The following TRAPPC8 variants were observed in gnomAD, a reference collection of about 807,000 sequenced individuals.
TRAPPC8 encodes the protein trafficking protein particle complex subunit 8, also known as general sporulation gene 1 homolog.
In TRAPPC8, 54 loss-of-function variants were observed where a neutral mutation model predicts 174.3. That is an observed-to-expected ratio of 0.31 (90% CI 0.25 to 0.39). TRAPPC8 has a LOEUF of 0.39. Ranked by LOEUF, TRAPPC8 falls within the 10% of genes least tolerant of loss-of-function variation. TRAPPC8 has a pLI of 1.00. For missense variants in TRAPPC8, 1,531 were observed against 1,699.1 expected (o/e 0.90, Z 1.74); for synonymous variants, 630 against 579.9 (o/e 1.09, Z -1.24).
rs748456391 is a variant in TRAPPC8 at position 31,908,910 on chromosome 18, T to C, written c.966A>G (p.Ser322=). Residue 322 remains serine, a synonymous_variant, in exon 7 of 29, where the codon TCA becomes TCG. Coordinates refer to ENST00000283351, the MANE Select transcript of TRAPPC8 (RefSeq NM_014939.5). ...IDGPDHLRSA[S]SLHETKKGNT... The stretch of plus-strand genomic sequence containing the variant: ...TTCCTTTCTTTGTTTCATGTAACGA[T>C]GAAGCAGATCTTAGATGATCTGGGC... 5 of 1,613,730 alleles carry C rather than the reference T, an allele frequency of 3.1e-6. No individual in the cohort carries two copies. Among genetic ancestry groups the C allele is most frequent in the Admixed American group, 3.3e-5 (2 of 59,978 alleles).
chr18:31,932,459 A>G (rs2037890158), intron 1 of TRAPPC8, among the ~76,000 whole-genome samples: 1 of 151,806 alleles, frequency 6.6e-6, no homozygotes, highest in Non-Finnish European at 1.5e-5. Context: ...ACAACAAAAA[A>G]ACAATGTCCA....
At chr18:31,859,448 A>G (rs1451607169) in intron 19 of TRAPPC8, among the ~76,000 whole-genome samples, 1 of 152,224 alleles carries the variant, frequency 6.6e-6, no homozygotes, top group African/African-American at 2.4e-5. Context: ...CTCTGTACTG[A>G]TTAGTCAGTG....
At chr18:31,938,207 T>A (rs2144318832) in intron 1 of TRAPPC8, among the ~76,000 whole-genome samples, 1 of 150,944 alleles carries the variant, frequency 6.6e-6, no homozygotes, top group East Asian at 1.9e-4. Context: ...CTTGATTAAT[T>A]AATATTAATA....
At chr18:31,841,753 G>A (rs2033113903) in intron 26 of TRAPPC8, among the ~76,000 whole-genome samples, 1 of 152,094 alleles carries the variant, frequency 6.6e-6, no homozygotes, top group Non-Finnish European at 1.5e-5. Context: ...TTTAAGTACT[G>A]ATGTGAACCA....
intron 18 of TRAPPC8, among the ~76,000 whole-genome samples, chr18:31,865,817 T>C (rs1568062485): frequency 6.6e-6 from 1 of 150,838 alleles, no homozygotes; most frequent in Non-Finnish European, 1.5e-5. Context: ...TAATTTAAAT[T>C]ATAAATTATA....
Position 31,874,710 on chromosome 18 carries a change from A to T in TRAPPC8, c.1729-6T>A. The T allele has an allele frequency of 6.2e-7, 1 of 1,607,704 alleles. No homozygotes were observed. Among genetic ancestry groups the T allele is most frequent in the Non-Finnish European group, 8.5e-7 (1 of 1,178,212 alleles). On this transcript the variant is annotated splice_region_variant and splice_polypyrimidine_tract_variant and intron_variant, in intron 12 of 28. Coordinates refer to ENST00000283351, the MANE Select transcript of TRAPPC8 (RefSeq NM_014939.5). ...CAGCGTAAAGCATGCTTTTTCTGTA[A>T]GAAAATAAACAAAATAATGTATTAT...
At chr18:31,868,179 G>A (rs2145179893) in intron 16 of TRAPPC8, among the ~76,000 whole-genome samples, 2 of 152,246 alleles carry the variant, frequency 1.3e-5, no homozygotes, top group Middle Eastern at 3.4e-3. Flanking sequence ...GCAAAGCAGA[G>A]CTAATTGGCT....
In TRAPPC8 at chr18:31,916,455, C is replaced by T; in HGVS notation, c.443-9G>A. 6.2e-7 allele frequency: 1 copy of T among 1,601,648 alleles called. No homozygotes were observed. The highest frequency in any genetic ancestry group is 2.2e-5 in the East Asian group (1 of 44,584). On this transcript the variant is annotated splice_polypyrimidine_tract_variant and intron_variant, in intron 3 of 28. Transcript: ENST00000283351. ...TGACGCTACCAACATACCTTGTAAA[C>T]CATATTATTAAGGTAATTATCGCTT...
intron 14 of TRAPPC8, among the ~76,000 whole-genome samples, chr18:31,873,008 T>A (rs937652451): frequency 2.0e-5 from 1 of 50,544 alleles, no homozygotes; most frequent in Non-Finnish European, 3.7e-5. Flanking sequence ...TTCATTTTCC[T>A]TTTTTTTTTT....
intron 19 of TRAPPC8, among the ~76,000 whole-genome samples, chr18:31,862,708 A>G (rs756643950): frequency 2.6e-5 from 4 of 152,090 alleles, no homozygotes; most frequent in Non-Finnish European, 5.9e-5. Context: ...CATTTTCATG[A>G]GTATGTTACC....
chr18:31,926,366 A>T (rs1445375246), intron 2 of TRAPPC8: 2 of 151,312 alleles, frequency 1.3e-5, no homozygotes, highest in East Asian at 3.8e-4. Flanking sequence ...GGAGCCATTG[A>T]TAAATGGGTT....
At chr18:31,932,141 A>C (rs1254490215) in intron 1 of TRAPPC8, among the ~76,000 whole-genome samples, 1 of 152,274 alleles carries the variant, frequency 6.6e-6, no homozygotes, top group Non-Finnish European at 1.5e-5. Flanking sequence ...CTTAAAAAAA[A>C]AACTCTGGCC....
intron 1 of TRAPPC8, among the ~76,000 whole-genome samples, chr18:31,932,858 T>C (rs1310246057): frequency 6.6e-6 from 1 of 151,870 alleles, no homozygotes; most frequent in African/African-American, 2.4e-5. Context: ...GGCGGGCGCC[T>C]GTAATCCCAG....
Position 31,837,561 on chromosome 18 carries a change from G to A in TRAPPC8, c.3983+1751C>T, listed in dbSNP as rs115311543. 9.0e-3 allele frequency among the ~76,000 whole-genome samples: 1,369 copies of A among 152,104 alleles called. 27 individuals are homozygous for A. The highest frequency in any genetic ancestry group is 0.031 in the African/African-American group (1,282 of 41,480). ...TACCAAATTTGGCTGACCTGGTGGTGTACAGTGCATGCCTGTAATCCCAGC... is the reference window on the plus strand; with the variant it reads ...TACCAAATTTGGCTGACCTGGTGGTATACAGTGCATGCCTGTAATCCCAGC... On this transcript the variant is annotated intron_variant, in intron 27 of 28. Transcript: ENST00000283351.
intron 3 of TRAPPC8, 110 bp from the exon 4 acceptor site, chr18:31,916,556 A>T: frequency 1.8e-6 from 2 of 1,125,464 alleles, no homozygotes; most frequent in Non-Finnish European, 2.4e-6. Context: ...TTTCTGAGAC[A>T]AAGTCTCACT....
intron 19 of TRAPPC8, among the ~76,000 whole-genome samples, chr18:31,862,355 A>G (rs1403105145): frequency 1.3e-5 from 2 of 151,996 alleles, no homozygotes; most frequent in African/African-American, 2.4e-5. Flanking sequence ...AAAAAAAATG[A>G]TGAAGCAACA....
At chr18:31,886,069 A>G (rs899102965) in intron 12 of TRAPPC8, among the ~76,000 whole-genome samples, 1 of 150,780 alleles carries the variant, frequency 6.6e-6, no homozygotes, top group African/African-American at 2.4e-5. Flanking sequence ...GCAATGGTGC[A>G]ATCTTGGGTC....
At chr18:31,933,809 A>G (rs1199195111) in intron 1 of TRAPPC8, among the ~76,000 whole-genome samples, 1 of 152,062 alleles carries the variant, frequency 6.6e-6, no homozygotes, top group African/African-American at 2.4e-5. Flanking sequence ...TTTTACTAAA[A>G]AAAAAGACTC....
At position 31,897,701 on chromosome 18, in the gene TRAPPC8, GT is replaced by G. The variant is rs528340405; in HGVS notation, c.1596+84del. On this transcript the variant is annotated intron_variant, in intron 11 of 28. Coordinates refer to ENST00000283351, the MANE Select transcript of TRAPPC8 (RefSeq NM_014939.5). ...ATTTCCCTGGCTAATTTTATGTTTT[GT>G]AAAGCCTTTCAAGAAAAAAGATACA... 103 of 978,766 alleles carry G rather than the reference GT, an allele frequency of 1.1e-4. No homozygotes were observed. The South Asian group carries it at 3.6e-3, about 34-fold the overall frequency. 60.6% of individuals were successfully genotyped at this position (978,766 alleles called of 1,614,324 possible). A position where few individuals can be genotyped will look rare whatever the true frequency, so the allele number is the denominator to read the frequency against.
Sources: allele counts gnomAD v4.1 joint callset (sites outside exome capture counted in the v4.1 genomes callset), GRCh38; gene constraint gnomAD v4.1.1; transcripts MANE v1.5; gene names NCBI Gene and HGNC (gene_info 2026-07-23, HGNC 2026-07-21).